THSD4: variants seen among roughly 807,000 people sequenced by gnomAD.
THSD4 encodes the protein thrombospondin type-1 domain-containing protein 4.
Under a neutral mutation model 119.0 loss-of-function variants are expected in THSD4, and 69 were observed. The ratio of observed to expected loss-of-function variants is 0.58; its 90% CI spans 0.48 to 0.71. THSD4 has a LOEUF of 0.71. THSD4 is among the 30% of genes least tolerant of loss of function. THSD4 has a pLI of 0.00. For missense variants in THSD4, 1,393 were observed against 1,391.1 expected, an observed-to-expected ratio of 1.00 and a Z score of -0.02; for synonymous variants, 524 against 540.4, an observed-to-expected ratio of 0.97 and a Z score of 0.42.
intron 7 of THSD4, among the ~76,000 whole-genome samples, chr15:71,644,673 T>A (rs2050933043): frequency 6.6e-6 from 1 of 152,214 alleles, no homozygotes. Flanking sequence ...GGAAGATGGA[T>A]ATCTTCATCT....
At chr15:71,727,989 G>T (rs998377666) in intron 8 of THSD4, among the ~76,000 whole-genome samples, 1 of 152,076 alleles carries the variant, frequency 6.6e-6, no homozygotes, top group East Asian at 1.9e-4. Flanking sequence ...GGCTCCAGCC[G>T]ATTGCTGCCA....
chr15:71,216,440 G>C (rs768367973), intron 4 of THSD4, among the ~76,000 whole-genome samples: 1 of 152,218 alleles, frequency 6.6e-6, no homozygotes, highest in Non-Finnish European at 1.5e-5. Context: ...GTCACTGCCA[G>C]CCGCCTGAAG....
intron 7 of THSD4, among the ~76,000 whole-genome samples, chr15:71,600,125 G>T (rs2049978703): frequency 6.6e-6 from 1 of 152,172 alleles, no homozygotes; most frequent in Non-Finnish European, 1.5e-5. Flanking sequence ...GCAGCATTCC[G>T]TGGGGAAATG....
intron 1 of THSD4, among the ~76,000 whole-genome samples, chr15:71,117,792 T>C (rs1308085754): frequency 6.6e-6 from 1 of 152,208 alleles, no homozygotes; most frequent in Non-Finnish European, 1.5e-5. Flanking sequence ...TTAATTTATC[T>C]CCAACAGATA....
At position 71,378,582 on chromosome 15, in the gene THSD4, T is replaced by C. The variant is rs554853430; in HGVS notation, c.1016-33105T>C. ...AAAACAATGTAATGCAGTAATTGCATATATAAAGTACCAGGGGATGCTTCG... is the reference window on the plus strand; with the variant it reads ...AAAACAATGTAATGCAGTAATTGCACATATAAAGTACCAGGGGATGCTTCG... On this transcript the variant is annotated intron_variant, in intron 6 of 17. Transcript: ENST00000261862. Among the ~76,000 whole-genome samples, 7 of 152,354 alleles carry C rather than the reference T, an allele frequency of 4.6e-5. No individual in the cohort carries two copies. The South Asian group carries it at 1.2e-3, about 27-fold the overall frequency.
At chr15:71,121,690 A>G (rs530817584) in intron 1 of THSD4, among the ~76,000 whole-genome samples, 1 of 152,224 alleles carries the variant, frequency 6.6e-6, no homozygotes, top group South Asian at 2.1e-4. Context: ...GTACTGGCCA[A>G]TTCTGCACTG....
intron 6 of THSD4, among the ~76,000 whole-genome samples, chr15:71,396,053 C>T (rs186705449): frequency 5.3e-3 from 809 of 152,004 alleles, no homozygotes; most frequent in Non-Finnish European, 9.4e-3. Flanking sequence ...CTGATGAACC[C>T]GTGTGCTTTT....
At chr15:71,744,800 T>A (rs1051861117) in intron 11 of THSD4, among the ~76,000 whole-genome samples, 3 of 152,232 alleles carry the variant, frequency 2.0e-5, no homozygotes, top group Non-Finnish European at 1.5e-5. Context: ...TTTGTTATCT[T>A]GAACTATAAT....
At chr15:71,339,871 TCTC>T (rs1033096131) in intron 6 of THSD4, among the ~76,000 whole-genome samples, 5 of 152,194 alleles carry the variant, frequency 3.3e-5, no homozygotes, top group Admixed American at 6.5e-5. Flanking sequence ...TTCAAGGAAT[TCTC>T]CTGCCTCAGC....
intron 7 of THSD4, among the ~76,000 whole-genome samples, chr15:71,633,427 C>T (rs552078917): frequency 4.0e-4 from 61 of 151,930 alleles, no homozygotes; most frequent in Non-Finnish European, 7.4e-4. Context: ...AGGCACATGC[C>T]GCCATGCTGG....
chr15:71,619,598 A>C (rs59797196), intron 7 of THSD4, among the ~76,000 whole-genome samples: 5,096 of 152,248 alleles, frequency 0.033, 312 homozygotes, highest in African/African-American at 0.12. Context: ...TTTTACCCCC[A>C]GTTGGTGATA....
chr15:71,537,987 T>TA (rs1425012769), intron 7 of THSD4, among the ~76,000 whole-genome samples: 1 of 152,134 alleles, frequency 6.6e-6, no homozygotes, highest in African/African-American at 2.4e-5. Flanking sequence ...CTTGAACTCC[T>TA]GACCTCAACT....
intron 7 of THSD4, among the ~76,000 whole-genome samples, chr15:71,452,136 A>G (rs1262254720): frequency 6.6e-6 from 1 of 152,028 alleles, no homozygotes; most frequent in Non-Finnish European, 1.5e-5. Context: ...CCTCATGCCT[A>G]ACCACCTCCT....
intron 7 of THSD4, among the ~76,000 whole-genome samples, chr15:71,595,016 GT>G (rs566624517): frequency 2.0e-5 from 3 of 152,180 alleles, no homozygotes; most frequent in Non-Finnish European, 4.4e-5. Context: ...TGGGAACTAA[GT>G]GGTGATATGG....
At chr15:71,716,764 G>T (rs1161330024) in intron 8 of THSD4, among the ~76,000 whole-genome samples, 1 of 152,010 alleles carries the variant, frequency 6.6e-6, no homozygotes. Flanking sequence ...AACCAAGCAG[G>T]TCTCACTTCT....
intron 7 of THSD4, among the ~76,000 whole-genome samples, chr15:71,435,820 C>G (rs2047005780): frequency 6.6e-6 from 1 of 152,200 alleles, no homozygotes; most frequent in Non-Finnish European, 1.5e-5. Context: ...AGGGATTAGA[C>G]TTTCCCAGCA....
chr15:71,693,406 G>A (rs998936613), intron 8 of THSD4, among the ~76,000 whole-genome samples: 2 of 152,198 alleles, frequency 1.3e-5, no homozygotes, highest in Non-Finnish European at 2.9e-5. Context: ...CAGCACTTTG[G>A]GAGGCCAAGG....
chr15:71,567,166 G>T (rs1484269036), intron 7 of THSD4, among the ~76,000 whole-genome samples: 1 of 152,118 alleles, frequency 6.6e-6, no homozygotes, highest in Non-Finnish European at 1.5e-5. Context: ...CCCTATAAGA[G>T]GCAGCACGTT....
At chr15:71,299,243 G>C (rs1027272191) in intron 6 of THSD4, among the ~76,000 whole-genome samples, 1 of 152,202 alleles carries the variant, frequency 6.6e-6, no homozygotes, top group African/African-American at 2.4e-5. Context: ...AGCAAGTTAA[G>C]AATTGTGGAT....
Sources: gnomAD v4.1 joint callset for allele counts (sites outside exome capture counted in the v4.1 genomes callset) on GRCh38, gnomAD v4.1.1 for gene constraint, MANE v1.5 for transcripts, NCBI Gene and HGNC (gene_info 2026-07-23, HGNC 2026-07-21) for gene names.